SLCO1A2: variants seen among roughly 807,000 people sequenced by gnomAD.
SLCO1A2 encodes the protein solute carrier organic anion transporter family member 1A2, also known as OATP-1.
A neutral mutation model predicts 69.0 loss-of-function variants in SLCO1A2; 67 were observed. The observed-to-expected ratio is 0.97, with a 90% CI of 0.80 to 1.19. SLCO1A2 has a LOEUF of 1.19. Among genes scored for constraint, SLCO1A2 ranks in the 50% most tolerant of loss-of-function variants. SLCO1A2 has a pLI of 0.00. For synonymous variants in SLCO1A2, 260 were observed against 265.9 expected, an observed-to-expected ratio of 0.98 and a Z score of 0.22; for missense variants, 787 against 793.7, an observed-to-expected ratio of 0.99 and a Z score of 0.10.
At chr12:21,283,804 G>A (rs1446682725) in intron 12 of SLCO1A2, among the ~76,000 whole-genome samples, 1 of 152,152 alleles carries the variant, frequency 6.6e-6, no homozygotes, top group Non-Finnish European at 1.5e-5. Flanking sequence ...GCAATTTTAT[G>A]AAAAGGTGCT....
intron 12 of SLCO1A2, among the ~76,000 whole-genome samples, chr12:21,291,523 AAG>A (rs1345079820): frequency 2.0e-5 from 3 of 152,278 alleles, no homozygotes; most frequent in Admixed American, 1.3e-4. Flanking sequence ...GAAGAAGAAA[AAG>A]AGAGAAAAAA....
At chr12:21,311,753 C>T (rs1950174071) in intron 4 of SLCO1A2, 1 of 152,082 alleles carries the variant, frequency 6.6e-6, no homozygotes, top group Non-Finnish European at 1.5e-5. Flanking sequence ...TGGTGAAACT[C>T]CGTCACTACA....
intron 12 of SLCO1A2, among the ~76,000 whole-genome samples, chr12:21,282,575 A>G (rs1006242593): frequency 1.3e-4 from 20 of 152,264 alleles, no homozygotes; most frequent in African/African-American, 4.8e-4. Flanking sequence ...AGATACTGCT[A>G]GAAGTCTGAG....
At chr12:21,277,009 G>C (rs4453284) in intron 12 of SLCO1A2, among the ~76,000 whole-genome samples, 4,653 of 152,278 alleles carry the variant, frequency 0.031, 67 homozygotes, top group Middle Eastern at 0.051. Flanking sequence ...TGCTGAGCTG[G>C]GCTCAGAGCC....
upstream of SLCO1A2, chr12:21,419,081 ACT>A (rs1181583984): frequency 6.6e-6 from 1 of 152,142 alleles, no homozygotes; most frequent in East Asian, 1.9e-4. Flanking sequence ...ACATAGGAAG[ACT>A]CTGGTTACTA....
intron 1 of SLCO1A2, among the ~76,000 whole-genome samples, chr12:21,382,391 T>C (rs951203663): frequency 1.3e-5 from 2 of 152,170 alleles, no homozygotes; most frequent in African/African-American, 4.8e-5. Context: ...GTACGCTTCT[T>C]GGGTGACAGG....
At position 21,406,720 on chromosome 12, in the gene SLCO1A2, CAGA is replaced by C. The variant is rs149703772; in HGVS notation, c.-312+11159_-312+11161del. On this transcript the variant is annotated intron_variant, in intron 1 of 4. Coordinates refer to the SLCO1A2 transcript ENST00000413682. The stretch of plus-strand genomic sequence containing the variant: ...TCCCCAAGATTTCACAGCTGGTAAG[CAGA>C]AGAATGGGGATTCAGTCAGCTTCAG... Among the ~76,000 whole-genome samples the C allele has an allele frequency of 5.4e-3, 819 of 152,246 alleles. 10 individuals are homozygous for C. Among genetic ancestry groups the C allele is most frequent in the African/African-American group, 0.019 (780 of 41,542 alleles).
At chr12:21,372,147 A>C (rs1414032196) in intron 2 of SLCO1A2, among the ~76,000 whole-genome samples, 1 of 152,200 alleles carries the variant, frequency 6.6e-6, no homozygotes, top group Non-Finnish European at 1.5e-5. Context: ...GTTCTCATGG[A>C]GCTAATGGGA....
chr12:21,386,588 CCTT>C (rs1432639276), intron 1 of SLCO1A2, among the ~76,000 whole-genome samples: 4 of 152,116 alleles, frequency 2.6e-5, no homozygotes, highest in Non-Finnish European at 4.4e-5. Flanking sequence ...GTTTGCTTCT[CCTT>C]CACCTTCTGC....
At chr12:21,298,863 G>A (rs1361173709) in intron 8 of SLCO1A2, among the ~76,000 whole-genome samples, 1 of 152,068 alleles carries the variant, frequency 6.6e-6, no homozygotes, top group Non-Finnish European at 1.5e-5. Flanking sequence ...ATTCTGAGTT[G>A]GCTCCTAATG....
At chr12:21,304,746 C>T (rs1449110520) in intron 5 of SLCO1A2, among the ~76,000 whole-genome samples, 173 bp from the exon 6 acceptor site, 1 of 152,158 alleles carries the variant, frequency 6.6e-6, no homozygotes. Flanking sequence ...CATTTTCTGA[C>T]AGTGGACTTG....
chr12:21,300,262 G>T, intron 8 of SLCO1A2, 86 bp downstream of exon 8: 1 of 943,656 alleles, frequency 1.1e-6, no homozygotes, highest in Non-Finnish European at 1.6e-6. Context: ...ACACAGCATA[G>T]CATATCATAG....
intron 10 of SLCO1A2, chr12:21,295,063 C>T (rs4149000): frequency 0.11 from 16,091 of 151,890 alleles, 1,090 homozygotes; most frequent in Middle Eastern, 0.14. Flanking sequence ...ACCCAGATAA[C>T]CTTTAAAATA....
chr12:21,272,017 TTC>T lies in SLCO1A2; in HGVS notation c.1794-2252_1794-2251del, dbSNP rs917282374. On this transcript the variant is annotated intron_variant, in intron 14 of 14. Coordinates refer to ENST00000683939, the MANE Select transcript of SLCO1A2 (RefSeq NM_001386879.1). ...AATTATTTATGTTTACTATAATTTA[TTC>T]TTTTAACCATGAGTAATTTAAGACT... 1.3e-3 allele frequency among the ~76,000 whole-genome samples: 200 copies of T among 151,614 alleles called. 1 individual carries two copies. The highest frequency in any genetic ancestry group is 4.6e-3 in the African/African-American group (190 of 41,512).
intron 1 of SLCO1A2, among the ~76,000 whole-genome samples, chr12:21,415,381 A>G (rs1044742052): frequency 3.9e-5 from 6 of 152,022 alleles, no homozygotes; most frequent in Non-Finnish European, 8.8e-5. Context: ...TATTCTTTTA[A>G]TCGTCTTTAC....
chr12:21,418,823 C>G (rs539300230), upstream of SLCO1A2, among the ~76,000 whole-genome samples: 29 of 152,156 alleles, frequency 1.9e-4, no homozygotes, highest in African/African-American at 7.0e-4. Flanking sequence ...TGGTCTAGAA[C>G]AGGGGATTAG....
upstream of SLCO1A2, among the ~76,000 whole-genome samples, chr12:21,398,638 C>T (rs2137181986): frequency 6.6e-6 from 1 of 151,938 alleles, no homozygotes; most frequent in South Asian, 2.1e-4. Flanking sequence ...AAAATACTGG[C>T]AAAACGAATC....
chr12:21,328,728 G>T (rs1565502043), intron 2 of SLCO1A2, among the ~76,000 whole-genome samples: 2 of 150,926 alleles, frequency 1.3e-5, no homozygotes, highest in Non-Finnish European at 2.9e-5. Flanking sequence ...TGCACTTAGG[G>T]CAGGAGGGAT....
At chr12:21,307,683 A>T (rs936955419) in intron 4 of SLCO1A2, among the ~76,000 whole-genome samples, 2 of 152,202 alleles carry the variant, frequency 1.3e-5, no homozygotes, top group Admixed American at 1.3e-4. Flanking sequence ...GATGGGAAAA[A>T]AAGTATGTTC....
Sources: gnomAD v4.1 joint callset for allele counts (sites outside exome capture counted in the v4.1 genomes callset) on GRCh38, gnomAD v4.1.1 for gene constraint, MANE v1.5 for transcripts, NCBI Gene and HGNC (gene_info 2026-07-23, HGNC 2026-07-21) for gene names.